Variants in RBFOX1 observed in about 807,000 individuals in gnomAD.
The protein encoded by RBFOX1 is RNA binding fox-1 homolog 1, also known as RNA binding protein fox-1 homolog 1.
RBFOX1 carries 8 observed loss-of-function variants against 57.7 expected under a neutral mutation model. That is an observed-to-expected ratio of 0.14 (90% confidence interval 0.08 to 0.25). The LOEUF (loss-of-function observed/expected upper bound fraction) is 0.25. RBFOX1 is among the 10% of genes least tolerant of loss of function. The pLI is 1.00. For synonymous variants in RBFOX1, 326 were observed against 222.4 expected, an observed-to-expected ratio of 1.47 and a Z score of -4.15; for missense variants, 611 against 548.5, an observed-to-expected ratio of 1.11 and a Z score of -1.14.
chr16:7,425,897 A>AT (rs945586938), intron 4 of RBFOX1, among the ~76,000 whole-genome samples: 4 of 152,066 alleles, frequency 2.6e-5, no homozygotes, highest in African/African-American at 9.7e-5. Context: ...GAAATGTATC[A>AT]TTTTTTCCCC....
intron 3 of RBFOX1, among the ~76,000 whole-genome samples, chr16:6,927,127 C>A (rs2075732784): frequency 6.6e-6 from 1 of 152,012 alleles, no homozygotes; most frequent in Non-Finnish European, 1.5e-5. Context: ...GGTTTGATCC[C>A]CTAGAGACTT....
chr16:6,835,150 C>G (rs1174870790), intron 3 of RBFOX1, among the ~76,000 whole-genome samples: 2 of 152,044 alleles, frequency 1.3e-5, no homozygotes, highest in East Asian at 1.9e-4. Context: ...ATCTGCCCAC[C>G]TCGGCCTCCC....
chr16:6,576,526 T>C (rs2097439643), intron 2 of RBFOX1, among the ~76,000 whole-genome samples: 1 of 152,166 alleles, frequency 6.6e-6, no homozygotes, highest in Non-Finnish European at 1.5e-5. Context: ...CTTGAGGACA[T>C]TGAAATGCTA....
intron 3 of RBFOX1, among the ~76,000 whole-genome samples, chr16:5,773,176 G>A (rs562302985): frequency 2.0e-5 from 3 of 152,324 alleles, no homozygotes; most frequent in African/African-American, 7.2e-5. Flanking sequence ...GCTGAAGGTA[G>A]ACTTCAGGGG....
rs562289972 is a variant in RBFOX1, at chr16:7,265,135, G to A, written c.27+213037G>A. Among the ~76,000 whole-genome samples, 19 of 152,330 alleles carry A rather than the reference G, an allele frequency of 1.2e-4. No homozygotes were observed. The East Asian group carries it at 1.4e-3, about 11-fold the overall frequency. ...TAATAAAGACTAGACTCTGTTCTGC[G>A]CACTAAGGGTGCAGTGGTTATCTTA... On this transcript the variant is annotated intron_variant, in intron 4 of 15. Coordinates refer to ENST00000550418, the MANE Select transcript of RBFOX1 (RefSeq NM_018723.4).
intron 4 of RBFOX1, among the ~76,000 whole-genome samples, chr16:5,968,874 T>G (rs1181610170): frequency 6.6e-6 from 1 of 152,144 alleles, no homozygotes; most frequent in Admixed American, 6.5e-5. Context: ...TACGTACTCT[T>G]GAATCTTCTT....
At chr16:6,564,122 C>A (rs879324137) in intron 2 of RBFOX1, among the ~76,000 whole-genome samples, 2 of 152,066 alleles carry the variant, frequency 1.3e-5, no homozygotes, top group East Asian at 3.9e-4. Context: ...GTGGATTGTT[C>A]TAGGCTCTTT....
intron 4 of RBFOX1, among the ~76,000 whole-genome samples, chr16:7,138,145 G>C (rs1393892151): frequency 6.6e-6 from 1 of 152,118 alleles, no homozygotes; most frequent in Non-Finnish European, 1.5e-5. Context: ...GACTCAAATA[G>C]GGTAAACAGA....
chr16:6,576,606 A>G (rs760474068), intron 2 of RBFOX1, among the ~76,000 whole-genome samples: 15 of 152,098 alleles, frequency 9.9e-5, no homozygotes, highest in Non-Finnish European at 1.9e-4. Context: ...TTGAACTCCA[A>G]CTGGGAGGAA....
intron 3 of RBFOX1, among the ~76,000 whole-genome samples, chr16:6,670,156 T>G (rs2098755216): frequency 6.6e-6 from 1 of 152,146 alleles, no homozygotes; most frequent in South Asian, 2.1e-4. Context: ...CATGTTGTAC[T>G]TACTCAGTGT....
At chr16:6,462,613 C>A (rs892671667) in intron 2 of RBFOX1, among the ~76,000 whole-genome samples, 2 of 152,100 alleles carry the variant, frequency 1.3e-5, no homozygotes, top group African/African-American at 4.8e-5. Context: ...TTGGTACTTT[C>A]TGTTGGCTAA....
At chr16:5,812,975 A>G (rs1048311035) in intron 3 of RBFOX1, among the ~76,000 whole-genome samples, 2 of 149,440 alleles carry the variant, frequency 1.3e-5, no homozygotes, top group African/African-American at 2.5e-5. Flanking sequence ...ATTGTGATAC[A>G]TATACATAAC....
At chr16:5,268,103 T>C (rs779327609) in intron 1 of RBFOX1, among the ~76,000 whole-genome samples, 3 of 151,916 alleles carry the variant, frequency 2.0e-5, no homozygotes, top group African/African-American at 4.8e-5. Context: ...ATGACTGGAA[T>C]ATAGACTCCA....
At chr16:7,055,161 G>C (rs374003789) in intron 4 of RBFOX1, among the ~76,000 whole-genome samples, 6 of 152,058 alleles carry the variant, frequency 3.9e-5, no homozygotes, top group East Asian at 1.9e-4. Context: ...TTTAACTGCA[G>C]GTCTTCTCAT....
At chr16:5,990,210 A>T (rs1041911752) in intron 4 of RBFOX1, among the ~76,000 whole-genome samples, 1 of 151,570 alleles carries the variant, frequency 6.6e-6, no homozygotes, top group African/African-American at 2.4e-5. Context: ...CTGGTTTGGA[A>T]CTCCTGGGCT....
intron 2 of RBFOX1, among the ~76,000 whole-genome samples, chr16:6,522,066 C>G (rs577110701): frequency 2.0e-4 from 30 of 152,024 alleles, no homozygotes; most frequent in African/African-American, 7.2e-4. Flanking sequence ...TAAAAACGTC[C>G]TTGCATCTAG....
At chr16:6,130,666 G>C (rs938859048) in intron 1 of RBFOX1, among the ~76,000 whole-genome samples, 1 of 152,122 alleles carries the variant, frequency 6.6e-6, no homozygotes, top group African/African-American at 2.4e-5. Flanking sequence ...GTTAGATTGA[G>C]TAAAAGAGTG....
At chr16:7,524,260 G>A (rs1050555380) in intron 5 of RBFOX1, among the ~76,000 whole-genome samples, 9 of 152,154 alleles carry the variant, frequency 5.9e-5, no homozygotes, top group African/African-American at 2.2e-4. Context: ...TCTGTAAAAG[G>A]GAAGGAGGAT....
At chr16:7,688,016 G>C (rs1030364290) in intron 14 of RBFOX1, among the ~76,000 whole-genome samples, 2 of 151,984 alleles carry the variant, frequency 1.3e-5, no homozygotes, top group African/African-American at 4.8e-5. Flanking sequence ...AATCCTAGCT[G>C]AATATTTATT....
Sources: gnomAD v4.1 joint callset for allele counts (sites outside exome capture counted in the v4.1 genomes callset) on GRCh38, gnomAD v4.1.1 for gene constraint, MANE v1.5 for transcripts, NCBI Gene and HGNC (gene_info 2026-07-23, HGNC 2026-07-21) for gene names.